Variants in DNAJC5 observed in about 807,000 individuals in gnomAD.
DNAJC5 encodes the protein DnaJ heat shock protein family (Hsp40) member C5, also known as dnaJ homolog subfamily C member 5.
Under a neutral mutation model 23.2 loss-of-function variants are expected in DNAJC5, and 1 was observed. The observed-to-expected ratio is 0.04, with a 90% confidence interval of 0.02 to 0.20. The LOEUF is 0.20. DNAJC5 is among the 10% of genes least tolerant of loss of function. The pLI is 1.00. For synonymous variants in DNAJC5, 136 were observed against 120.0 expected (o/e 1.13, Z -0.87); for missense variants, 180 against 267.0 (o/e 0.67, Z 2.27).
intron 1 of DNAJC5, among the ~76,000 whole-genome samples, chr20:63,922,771 A>C (rs923611271): frequency 2.0e-5 from 3 of 151,852 alleles, no homozygotes; most frequent in African/African-American, 7.3e-5. Context: ...CCCTGTCTCC[A>C]AACAAACAAA....
At chr20:63,900,883 A>G (rs1186602486) in intron 1 of DNAJC5, among the ~76,000 whole-genome samples, 1 of 152,220 alleles carries the variant, frequency 6.6e-6, no homozygotes, top group African/African-American at 2.4e-5. Context: ...AATATTCTAC[A>G]TTGAACATGT....
intron 1 of DNAJC5, chr20:63,909,118 C>T (rs1157889066): frequency 6.6e-6 from 1 of 151,944 alleles, no homozygotes; most frequent in South Asian, 2.1e-4. Context: ...CACTGTCCCC[C>T]CCGCCCAAAA....
chr20:63,906,586 C>T (rs893958140), intron 1 of DNAJC5, among the ~76,000 whole-genome samples: 2 of 151,804 alleles, frequency 1.3e-5, no homozygotes, highest in African/African-American at 4.8e-5. Flanking sequence ...AGATCGAGAC[C>T]ATCCTGGCTA....
At position 63,931,306 on chromosome 20, in the gene DNAJC5, C is replaced by A; in HGVS notation, c.494-159C>A. 1.2e-6 allele frequency: 1 copy of A among 847,522 alleles called. No homozygotes were observed. Among genetic ancestry groups the A allele is most frequent in the Non-Finnish European group, 1.9e-6 (1 of 524,698 alleles). 52.5% of individuals were successfully genotyped at this position (847,522 alleles called of 1,614,324 possible). A position where few individuals can be genotyped will look rare whatever the true frequency, so the allele number is the denominator to read the frequency against. On this transcript the variant is annotated intron_variant, in intron 4 of 4. Coordinates refer to ENST00000360864, the MANE Select transcript of DNAJC5 (RefSeq NM_025219.3). This position sits in a 1 kb window ranked among gnomAD's most constrained non-coding sequence, Gnocchi z 9.6. Reference sequence around the variant, plus strand: ...GCTGAGGGCCGAGGGCTGGCGGTGACCCAAGGCGACGGAGGAAAGCCGTGT... The same window carrying A: ...GCTGAGGGCCGAGGGCTGGCGGTGAACCAAGGCGACGGAGGAAAGCCGTGT...
intron 1 of DNAJC5, among the ~76,000 whole-genome samples, chr20:63,897,455 A>C (rs1320612014): frequency 1.3e-5 from 2 of 152,038 alleles, no homozygotes; most frequent in South Asian, 4.1e-4. Context: ...AATCCCAGCT[A>C]CTCAGGAGGC....
Position 63,928,765 on chromosome 20 carries a change from G to A in DNAJC5, c.107+313G>A, listed in dbSNP as rs113618067. ...AGCCGCAGAGCGCTGGCATGGTCCT[G>A]TGGTCTCCTTGTTTTAGCACAGTGA... On this transcript the variant is annotated intron_variant, in intron 2 of 4. Coordinates refer to ENST00000360864, the MANE Select transcript of DNAJC5 (RefSeq NM_025219.3). This position sits in a 1 kb window ranked among gnomAD's most constrained non-coding sequence, Gnocchi z 4.6. Among the ~76,000 whole-genome samples, 250 of 152,284 alleles carry A rather than the reference G, an allele frequency of 1.6e-3. 2 individuals carry two copies. The highest frequency in any genetic ancestry group is 5.5e-3 in the African/African-American group (227 of 41,562).
In DNAJC5 at chr20:63,929,032, G is replaced by A. The variant is rs2053639151; in HGVS notation, c.108-280G>A. On this transcript the variant is annotated intron_variant, in intron 2 of 4. Coordinates refer to ENST00000360864, the MANE Select transcript of DNAJC5 (RefSeq NM_025219.3). The surrounding 1 kb of genome is among the most constrained non-coding windows in gnomAD (Gnocchi z 8.6). ...TGCAGTTAGCGGCTGGGACACCAGG[G>A]CTGGCCTTGGTGCCGCTGAACTTAG... Among the ~76,000 whole-genome samples the A allele has an allele frequency of 6.6e-6, 1 of 152,238 alleles. No homozygotes were observed. Among genetic ancestry groups the A allele is most frequent in the African/African-American group, 2.4e-5 (1 of 41,470 alleles).
In DNAJC5 at chr20:63,920,625, C is replaced by T. The variant is rs1034576661; in HGVS notation, c.-11-7710C>T. Among the ~76,000 whole-genome samples, 7 of 152,366 alleles carry T rather than the reference C, an allele frequency of 4.6e-5. No individual in the cohort carries two copies. The highest frequency in any genetic ancestry group is 3.3e-4 in the Admixed American group (5 of 15,302). ...GCTGCCAGCAGAACGGACTGGGATACGCTGGATTTGTAAAACGTGACCCTT... is the reference window on the plus strand; with the variant it reads ...GCTGCCAGCAGAACGGACTGGGATATGCTGGATTTGTAAAACGTGACCCTT... On this transcript the variant is annotated intron_variant, in intron 1 of 4. Transcript: ENST00000360864. The surrounding 1 kb of genome is among the most constrained non-coding windows in gnomAD (Gnocchi z 4.6).
At chr20:63,902,597 A>G (rs1368182091) in intron 1 of DNAJC5, among the ~76,000 whole-genome samples, 1 of 133,060 alleles carries the variant, frequency 7.5e-6, no homozygotes, top group African/African-American at 2.9e-5. Flanking sequence ...CGACCTCCCA[A>G]CCTCAGGTGA....
chr20:63,925,293 G>GGTCAATGT (rs1400145644), intron 1 of DNAJC5, among the ~76,000 whole-genome samples: 1 of 152,092 alleles, frequency 6.6e-6, no homozygotes, highest in African/African-American at 2.4e-5. Context: ...AGACCATCCT[G>GGTCAATGT]GTCAATGTGG....
At chr20:63,901,664 C>T (rs1004628247) in intron 1 of DNAJC5, among the ~76,000 whole-genome samples, 4 of 152,316 alleles carry the variant, frequency 2.6e-5, no homozygotes, top group African/African-American at 7.2e-5. Context: ...GTGGAGTGTG[C>T]GGCCCTGCCT....
intron 1 of DNAJC5, among the ~76,000 whole-genome samples, chr20:63,902,096 C>T (rs1030646899): frequency 3.3e-5 from 5 of 151,924 alleles, no homozygotes; most frequent in Non-Finnish European, 5.9e-5. Context: ...GTGCTGTCGC[C>T]CAGGCTGGAG....
At position 63,911,541 on chromosome 20, in the gene DNAJC5, C is replaced by G. The variant is rs369672504; in HGVS notation, c.-12+16218C>G. 5.9e-5 allele frequency among the ~76,000 whole-genome samples: 9 copies of G among 152,268 alleles called. 1 individual carries two copies. The East Asian group carries it at 1.4e-3, about 23-fold the overall frequency. Reference sequence around the variant, plus strand: ...TCGTACTTGGATGCTTGGTGATGGTCGTGGAAGCAGTTTTATTTTCTCTTG... The same window carrying G: ...TCGTACTTGGATGCTTGGTGATGGTGGTGGAAGCAGTTTTATTTTCTCTTG... On this transcript the variant is annotated intron_variant, in intron 1 of 4. Transcript: ENST00000360864.
chr20:63,922,274 C>T (rs1046034470), intron 1 of DNAJC5, among the ~76,000 whole-genome samples: 4 of 151,702 alleles, frequency 2.6e-5, no homozygotes, highest in Non-Finnish European at 4.4e-5. Context: ...CTATCCTGGC[C>T]AACATGGTGA....
At position 63,931,278 on chromosome 20, in the gene DNAJC5, G is replaced by A. The variant is rs572698953; in HGVS notation, c.494-187G>A. The A allele has an allele frequency of 4.4e-5, 35 of 787,028 alleles. No individual in the cohort carries two copies. Among genetic ancestry groups the A allele is most frequent in the South Asian group, 3.6e-4 (24 of 66,314 alleles). 48.8% of individuals were successfully genotyped at this position (787,028 alleles called of 1,614,324 possible). A position where few individuals can be genotyped will look rare whatever the true frequency, so the allele number is the denominator to read the frequency against. The stretch of plus-strand genomic sequence containing the variant: ...GGGCAGGGCGGCAGGCAGTTGGGGC[G>A]GGGCTGAGGGCCGAGGGCTGGCGGT... On this transcript the variant is annotated intron_variant, in intron 4 of 4. Transcript: ENST00000360864. The surrounding 1 kb of genome is among the most constrained non-coding windows in gnomAD (Gnocchi z 9.6).
chr20:63,906,373 C>A (rs1025240171), intron 1 of DNAJC5, among the ~76,000 whole-genome samples: 1 of 152,070 alleles, frequency 6.6e-6, no homozygotes, highest in Non-Finnish European at 1.5e-5. Context: ...ACCTGTAATT[C>A]CAGCTACTCA....
chr20:63,927,045 C>G (rs540515269), intron 1 of DNAJC5, among the ~76,000 whole-genome samples: 2 of 152,314 alleles, frequency 1.3e-5, no homozygotes, highest in Admixed American at 6.5e-5. Context: ...GTAGCTAAGT[C>G]AGGGATAGTG....
intron 1 of DNAJC5, among the ~76,000 whole-genome samples, chr20:63,906,701 G>A (rs1413341367): frequency 6.6e-6 from 1 of 152,040 alleles, no homozygotes; most frequent in Non-Finnish European, 1.5e-5. Context: ...CAGGAGAATG[G>A]CGTGAACCTG....
chr20:63,929,690 G>A lies in DNAJC5; in HGVS notation c.321+165G>A, dbSNP rs1211250351. 2.7e-5 allele frequency among the ~76,000 whole-genome samples: 4 copies of A among 149,788 alleles called. No homozygotes were observed. Among genetic ancestry groups the A allele is most frequent in the Non-Finnish European group, 4.4e-5 (3 of 67,520 alleles). ...TCTCTCCTGCCGTGCGGGCACCCGA[G>A]TCACTCCTGCCGTGCGGGCGCCCGA... On this transcript the variant is annotated intron_variant, in intron 3 of 4. Transcript: ENST00000360864. The surrounding 1 kb of genome is among the most constrained non-coding windows in gnomAD (Gnocchi z 8.6).
Sources: allele counts gnomAD v4.1 joint callset (sites outside exome capture counted in the v4.1 genomes callset), GRCh38; gene constraint gnomAD v4.1.1; non-coding constraint Gnocchi (gnomAD v3.1); transcripts MANE v1.5; gene names NCBI Gene and HGNC (gene_info 2026-07-23, HGNC 2026-07-21).